Variants in SUMF1 observed in about 807,000 individuals in gnomAD.
The protein encoded by SUMF1 is sulfatase modifying factor 1, also known as formylglycine-generating enzyme.
In SUMF1, 48 loss-of-function variants were observed where a neutral mutation model predicts 47.6. That is an observed-to-expected ratio of 1.01 (90% confidence interval 0.80 to 1.28). SUMF1 has a LOEUF of 1.28. Ranked by LOEUF, SUMF1 falls within the 50% of genes most tolerant of loss-of-function variation. The pLI is 0.00. For synonymous variants in SUMF1, 230 were observed against 192.1 expected (o/e 1.20, Z -1.63); for missense variants, 571 against 485.4 (o/e 1.18, Z -1.66).
At chr3:4,071,577 G>A (rs778293743) in intron 8 of SUMF1, among the ~76,000 whole-genome samples, 9 of 152,206 alleles carry the variant, frequency 5.9e-5, no homozygotes, top group South Asian at 2.1e-4. Flanking sequence ...CACTGCTAGC[G>A]CAGGAGTCTG....
intron 8 of SUMF1, among the ~76,000 whole-genome samples, chr3:4,171,975 T>C (rs1430655157): frequency 1.3e-5 from 2 of 152,144 alleles, no homozygotes; most frequent in African/African-American, 4.8e-5. Flanking sequence ...TAAGAAGTGA[T>C]GCTATCAAAT....
At chr3:4,152,222 G>A (rs181450573) in intron 8 of SUMF1, among the ~76,000 whole-genome samples, 18 of 151,700 alleles carry the variant, frequency 1.2e-4, no homozygotes, top group African/African-American at 2.4e-5. Flanking sequence ...AAAGCAGTGA[G>A]AGATAGGAAA....
chr3:4,453,070 C>T, intron 1 of SUMF1, 21 bp from the exon 2 acceptor site: 3 of 1,605,926 alleles, frequency 1.9e-6, no homozygotes, highest in South Asian at 1.1e-5. Context: ...AGGTGAAACA[C>T]AGGAAGTCAT....
intron 8 of SUMF1, among the ~76,000 whole-genome samples, chr3:4,347,739 ATTGTCTCTGT>A (rs1699402241): frequency 6.6e-6 from 1 of 152,204 alleles, no homozygotes; most frequent in East Asian, 1.9e-4. Context: ...AGGAAGTCAG[ATTGTCTCTGT>A]TTGCAGGTGA....
At chr3:4,231,102 G>A (rs1575000976) in intron 8 of SUMF1, among the ~76,000 whole-genome samples, 1 of 152,088 alleles carries the variant, frequency 6.6e-6, no homozygotes. Context: ...AATTCACCAT[G>A]CCAGAGAATG....
At chr3:4,095,338 T>G (rs1404498077) in intron 8 of SUMF1, among the ~76,000 whole-genome samples, 1 of 152,112 alleles carries the variant, frequency 6.6e-6, no homozygotes, top group East Asian at 1.9e-4. Context: ...GCAACTCATC[T>G]CTATGAATGT....
At chr3:4,443,091 C>T (rs1702659551) in intron 3 of SUMF1, among the ~76,000 whole-genome samples, 1 of 151,670 alleles carries the variant, frequency 6.6e-6, no homozygotes, top group Non-Finnish European at 1.5e-5. Context: ...GTCTGAGCAA[C>T]ATGACAAAAC....
At chr3:4,270,692 C>T (rs1697285776) in intron 8 of SUMF1, among the ~76,000 whole-genome samples, 3 of 152,048 alleles carry the variant, frequency 2.0e-5, no homozygotes, top group African/African-American at 7.2e-5. Context: ...GTGGGGTGCT[C>T]CCTAAGTATA....
chr3:4,194,721 T>C (rs909929111), intron 8 of SUMF1, among the ~76,000 whole-genome samples: 1 of 152,178 alleles, frequency 6.6e-6, no homozygotes, highest in Admixed American at 6.5e-5. Flanking sequence ...GTTATCATCA[T>C]TACCAGAATT....
At chr3:4,236,506 C>G (rs1291812231) in intron 8 of SUMF1, among the ~76,000 whole-genome samples, 1 of 152,094 alleles carries the variant, frequency 6.6e-6, no homozygotes, top group Admixed American at 6.6e-5. Flanking sequence ...ATAGTCCCAG[C>G]TACTCAGGAG....
intron 3 of SUMF1, among the ~76,000 whole-genome samples, chr3:4,430,572 T>C (rs1331159990): frequency 1.3e-5 from 2 of 152,160 alleles, no homozygotes; most frequent in African/African-American, 4.8e-5. Context: ...TACGAATCTA[T>C]AGAATAGGTT....
chr3:4,080,465 T>G (rs949111859), intron 8 of SUMF1, among the ~76,000 whole-genome samples: 1 of 152,112 alleles, frequency 6.6e-6, no homozygotes. Context: ...AACTCTTCTT[T>G]TTTTTAATTG....
rs543845407 is a variant in SUMF1, at chr3:4,091,902, C to A, written c.1015-23157G>T. ...GTGTGCAATTTAAAAAAAAAAAAAA[C>A]CATCTTCCAGGGACCATTAAGTAAT... On this transcript the variant is annotated intron_variant and NMD_transcript_variant, in intron 8 of 12. Coordinates refer to the SUMF1 transcript ENST00000448413. 4.2e-4 allele frequency among the ~76,000 whole-genome samples: 59 copies of A among 141,948 alleles called. 1 individual carries two copies. Among genetic ancestry groups the A allele is most frequent in the African/African-American group, 1.1e-3 (45 of 39,436 alleles). The allele number at this position is 141,948 out of a possible 152,430, so 93.1% of individuals were successfully genotyped here. A position where few individuals can be genotyped will look rare whatever the true frequency, so the allele number is the denominator to read the frequency against.
intron 8 of SUMF1, among the ~76,000 whole-genome samples, chr3:4,250,436 G>C (rs1041482416): frequency 3.9e-5 from 6 of 152,150 alleles, no homozygotes; most frequent in African/African-American, 1.4e-4. Context: ...AGGTGAAGAA[G>C]CAAGAGCGGA....
chr3:4,436,514 T>C (rs1019594079), intron 3 of SUMF1, among the ~76,000 whole-genome samples: 2 of 151,910 alleles, frequency 1.3e-5, no homozygotes, highest in South Asian at 2.1e-4. Context: ...CAACATCTAA[T>C]TGGAGTTTCA....
At chr3:4,355,540 T>C (rs1188131102) in intron 8 of SUMF1, among the ~76,000 whole-genome samples, 2 of 152,210 alleles carry the variant, frequency 1.3e-5, no homozygotes, top group South Asian at 2.1e-4. Flanking sequence ...GTGAACCTTT[T>C]ATCAGTGCCA....
intron 3 of SUMF1, among the ~76,000 whole-genome samples, chr3:4,444,730 T>C (rs1362046442): frequency 6.6e-6 from 1 of 152,164 alleles, no homozygotes; most frequent in Non-Finnish European, 1.5e-5. Flanking sequence ...AATCACAAAA[T>C]GGAAGTATCA....
At chr3:4,302,712 C>G (rs1449931771) in intron 8 of SUMF1, among the ~76,000 whole-genome samples, 1 of 152,076 alleles carries the variant, frequency 6.6e-6, no homozygotes, top group African/African-American at 2.4e-5. Flanking sequence ...CAAGGAGAAG[C>G]AGGACAATCA....
At chr3:4,291,578 C>A (rs867049344) in intron 8 of SUMF1, among the ~76,000 whole-genome samples, 1 of 152,098 alleles carries the variant, frequency 6.6e-6, no homozygotes, top group Non-Finnish European at 1.5e-5. Context: ...TTATACTTCT[C>A]CAAGGGAAGG....
Sources: gnomAD v4.1 joint callset for allele counts (sites outside exome capture counted in the v4.1 genomes callset) on GRCh38, gnomAD v4.1.1 for gene constraint, MANE v1.5 for transcripts, NCBI Gene and HGNC (gene_info 2026-07-23, HGNC 2026-07-21) for gene names.